Variants in LUZP2 observed in about 807,000 individuals in gnomAD.
LUZP2 encodes the protein leucine zipper protein 2.
Under a neutral mutation model 51.6 loss-of-function variants are expected in LUZP2, and 52 were observed. The ratio of observed to expected loss-of-function variants is 1.01; its 90% CI spans 0.81 to 1.27. The LOEUF is 1.27. Ranked by LOEUF, LUZP2 falls within the 50% of genes most tolerant of loss-of-function variation. The pLI is 0.00. For missense variants in LUZP2, 436 were observed against 395.4 expected (o/e 1.10, Z -0.87); for synonymous variants, 154 against 137.3 (o/e 1.12, Z -0.85).
intron 1 of LUZP2, among the ~76,000 whole-genome samples, chr11:24,541,920 C>T (rs1179777830): frequency 6.6e-6 from 1 of 150,824 alleles, no homozygotes; most frequent in Non-Finnish European, 1.5e-5. Flanking sequence ...AAAAAAAAAA[C>T]ACCTGTTAGT....
intron 9 of LUZP2, among the ~76,000 whole-genome samples, chr11:25,006,218 C>A (rs951889837): frequency 2.0e-5 from 3 of 152,018 alleles, no homozygotes; most frequent in African/African-American, 7.2e-5. Flanking sequence ...AGGAGAAAAG[C>A]CCCAGAGAGT....
At chr11:24,806,415 T>G (rs972266150) in intron 5 of LUZP2, among the ~76,000 whole-genome samples, 7 of 152,188 alleles carry the variant, frequency 4.6e-5, no homozygotes, top group Non-Finnish European at 1.0e-4. Flanking sequence ...ACCAACATTG[T>G]GCACATTTTT....
chr11:24,968,338 A>G (rs1412377617), intron 7 of LUZP2, among the ~76,000 whole-genome samples: 3 of 152,174 alleles, frequency 2.0e-5, no homozygotes, highest in Non-Finnish European at 2.9e-5. Flanking sequence ...CTATACTTAA[A>G]CAAATAAAGG....
intron 9 of LUZP2, among the ~76,000 whole-genome samples, chr11:25,029,043 A>T (rs1175194350): frequency 6.6e-6 from 1 of 152,208 alleles, no homozygotes; most frequent in Non-Finnish European, 1.5e-5. Context: ...AATTGAACTC[A>T]TGGACATAGA....
At chr11:25,004,245 C>T (rs1025474595) in intron 9 of LUZP2, among the ~76,000 whole-genome samples, 29 of 152,126 alleles carry the variant, frequency 1.9e-4, no homozygotes, top group African/African-American at 3.9e-4. Context: ...CGGACATGGA[C>T]GAGGGGGTGG....
intron 9 of LUZP2, among the ~76,000 whole-genome samples, chr11:25,048,207 T>C (rs1303239276): frequency 6.6e-6 from 1 of 152,200 alleles, no homozygotes; most frequent in African/African-American, 2.4e-5. Flanking sequence ...TTGCTCCTTC[T>C]ACCCTATAGA....
chr11:24,635,908 C>T (rs1428122172), intron 1 of LUZP2, among the ~76,000 whole-genome samples: 2 of 152,026 alleles, frequency 1.3e-5, no homozygotes, highest in East Asian at 1.9e-4. Flanking sequence ...GGTGACTCTG[C>T]GGAATAACAG....
intron 5 of LUZP2, among the ~76,000 whole-genome samples, chr11:24,766,179 T>A (rs1367757707): frequency 6.6e-6 from 1 of 152,188 alleles, no homozygotes; most frequent in African/African-American, 2.4e-5. Flanking sequence ...TCTATTGTGA[T>A]TGATGTGGTC....
chr11:24,540,468 G>A (rs1196896894), intron 1 of LUZP2, among the ~76,000 whole-genome samples: 3 of 152,112 alleles, frequency 2.0e-5, no homozygotes, highest in Non-Finnish European at 4.4e-5. Flanking sequence ...ATGTGCGGAT[G>A]CAGCAAGAAC....
chr11:24,718,073 G>C (rs1263422511), intron 1 of LUZP2, among the ~76,000 whole-genome samples: 1 of 152,150 alleles, frequency 6.6e-6, no homozygotes, highest in Non-Finnish European at 1.5e-5. Flanking sequence ...CAATCTTTAA[G>C]CATCGTAGAG....
At chr11:24,907,563 A>G (rs1168527740) in intron 6 of LUZP2, among the ~76,000 whole-genome samples, 1 of 152,166 alleles carries the variant, frequency 6.6e-6, no homozygotes, top group Non-Finnish European at 1.5e-5. Context: ...TTTTGGAAAT[A>G]GTATAAATGT....
At chr11:24,740,223 G>A (rs1368128095) in intron 4 of LUZP2, among the ~76,000 whole-genome samples, 1 of 152,094 alleles carries the variant, frequency 6.6e-6, no homozygotes, top group East Asian at 1.9e-4. Context: ...TATTTGCACA[G>A]CTATAAGCTA....
intron 5 of LUZP2, among the ~76,000 whole-genome samples, chr11:24,822,516 G>GT (rs1017668075): frequency 6.6e-5 from 10 of 152,036 alleles, no homozygotes; most frequent in Admixed American, 2.0e-4. Flanking sequence ...TTAGCTTTTA[G>GT]TTTTTTTTAT....
At chr11:24,766,331 C>T (rs2134040576) in intron 5 of LUZP2, among the ~76,000 whole-genome samples, 1 of 152,206 alleles carries the variant, frequency 6.6e-6, no homozygotes, top group Middle Eastern at 3.4e-3. Flanking sequence ...GAAATAATGT[C>T]AGCAAAGCTT....
intron 1 of LUZP2, among the ~76,000 whole-genome samples, chr11:24,537,853 C>A (rs1478285638): frequency 6.6e-6 from 1 of 151,728 alleles, no homozygotes; most frequent in East Asian, 1.9e-4. Context: ...AAACGTTTCA[C>A]CTTTTTATGT....
rs185983805 is a variant in LUZP2, at chr11:24,877,626, T to C, written c.397-28365T>C. On this transcript the variant is annotated intron_variant, in intron 5 of 11. Transcript: ENST00000336930. ...TTATACTCTTAGTTATTTTAAAATG[T>C]ACAATTAATTTATTATTGATTATTG... 3.9e-4 allele frequency among the ~76,000 whole-genome samples: 60 copies of C among 152,280 alleles called. No individual in the cohort carries two copies. The East Asian group carries it at 8.9e-3, about 23-fold the overall frequency.
chr11:24,624,096 T>G (rs1854601025), intron 1 of LUZP2, among the ~76,000 whole-genome samples: 1 of 152,174 alleles, frequency 6.6e-6, no homozygotes, highest in Non-Finnish European at 1.5e-5. Flanking sequence ...GCTGATATTA[T>G]TTTTAATTTA....
At chr11:24,654,861 G>C (rs1855754219) in intron 1 of LUZP2, among the ~76,000 whole-genome samples, 9 of 151,338 alleles carry the variant, frequency 5.9e-5, no homozygotes, top group Non-Finnish European at 1.5e-5. Context: ...ATGTTAATAT[G>C]AGTTGAGAAT....
At chr11:24,669,923 C>T (rs1270440505) in intron 1 of LUZP2, among the ~76,000 whole-genome samples, 1 of 151,896 alleles carries the variant, frequency 6.6e-6, no homozygotes, top group African/African-American at 2.4e-5. Flanking sequence ...CATGTCACTT[C>T]AAATAGCTAA....
Sources: allele counts gnomAD v4.1 joint callset (sites outside exome capture counted in the v4.1 genomes callset), GRCh38; gene constraint gnomAD v4.1.1; transcripts MANE v1.5; gene names NCBI Gene and HGNC (gene_info 2026-07-23, HGNC 2026-07-21).